Variants in CARMIL1 observed in about 807,000 individuals in gnomAD.
CARMIL1 encodes the protein F-actin-uncapping protein LRRC16A.
In CARMIL1, 90 loss-of-function variants were observed where a neutral mutation model predicts 177.1. That is an observed-to-expected ratio of 0.51 (90% CI 0.43 to 0.61). CARMIL1 has a LOEUF of 0.61. Among genes scored for constraint, CARMIL1 ranks in the 20% least tolerant of loss-of-function variants. The probability of loss-of-function intolerance (pLI) is 0.00; values close to 1 mark genes in which losing one functional copy is unlikely to be tolerated. For missense variants in CARMIL1, 1,380 were observed against 1,667.0 expected (o/e 0.83, Z 3.00); for synonymous variants, 577 against 606.2 (o/e 0.95, Z 0.71).
At chr6:25,289,130 TGTTCTCCTGAGGAATG>T (rs1781747082) in intron 2 of CARMIL1, among the ~76,000 whole-genome samples, 1 of 151,948 alleles carries the variant, frequency 6.6e-6, no homozygotes, top group Non-Finnish European at 1.5e-5. Context: ...TCATTAGGAG[TGTTCTCCTGAGGAATG>T]GTCCTTTAGC....
At chr6:25,460,441 C>A (rs1327648168) in intron 8 of CARMIL1, among the ~76,000 whole-genome samples, 1 of 152,148 alleles carries the variant, frequency 6.6e-6, no homozygotes. Context: ...TCTCCCTGAT[C>A]CTTGGTCTTC....
intron 2 of CARMIL1, among the ~76,000 whole-genome samples, chr6:25,364,871 C>T (rs79542694): frequency 0.082 from 12,488 of 152,096 alleles, 516 homozygotes; most frequent in East Asian, 0.14. Context: ...AGTGAAACCC[C>T]GGAAGAGTAC....
intron 5 of CARMIL1, among the ~76,000 whole-genome samples, chr6:25,442,435 T>C (rs1387411864): frequency 6.6e-6 from 1 of 151,336 alleles, no homozygotes; most frequent in Non-Finnish European, 1.5e-5. Context: ...ACAAATCCTC[T>C]GTCTTTCTGT....
rs979849387 is a variant in CARMIL1 at position 25,410,712 on chromosome 6, C to T, written c.139-9402C>T. ...CAGCCAGAGGAACTCCTTATTAGTC[C>T]CTGCTTCTCCCATCTTTAGAGTTGA... On this transcript the variant is annotated intron_variant, in intron 2 of 36. Transcript: ENST00000329474. Among the ~76,000 whole-genome samples, 4 of 152,228 alleles carry T rather than the reference C, an allele frequency of 2.6e-5. 1 individual carries two copies. The highest frequency in any genetic ancestry group is 6.5e-5 in the Admixed American group (1 of 15,284).
At position 25,564,048 on chromosome 6, in the gene CARMIL1, A is replaced by G. The variant is rs2151199597; in HGVS notation, c.2742+7198A>G. On this transcript the variant is annotated intron_variant, in intron 29 of 36. Transcript: ENST00000329474. ...ACATATTATACAAAATGTATCCATA[A>G]GTATCATATTACACCAAATGTTTGT... The G allele has an allele frequency of 9.7e-6, 2 of 206,154 alleles. 1 individual carries two copies. The highest frequency in any genetic ancestry group is 3.4e-4 in the South Asian group (2 of 5,868). The allele number at this position is 206,154 out of a possible 1,614,324, so 12.8% of individuals were successfully genotyped here.
At chr6:25,354,750 C>T (rs915953857) in intron 2 of CARMIL1, among the ~76,000 whole-genome samples, 2 of 152,190 alleles carry the variant, frequency 1.3e-5, no homozygotes, top group African/African-American at 2.4e-5. Flanking sequence ...GAATTAAGCC[C>T]AGCCTGACCT....
chr6:25,507,876 T>G (rs1423702764), intron 17 of CARMIL1, among the ~76,000 whole-genome samples: 2 of 128,468 alleles, frequency 1.6e-5, no homozygotes, highest in Non-Finnish European at 3.4e-5. Flanking sequence ...ACATAGTGTA[T>G]GTACACATTT....
At chr6:25,385,496 A>G (rs999469906) in intron 2 of CARMIL1, among the ~76,000 whole-genome samples, 2 of 152,258 alleles carry the variant, frequency 1.3e-5, no homozygotes, top group African/African-American at 4.8e-5. Flanking sequence ...CATTTCATTT[A>G]GTAAACATTT....
In CARMIL1 at chr6:25,606,267, C is replaced by T. The variant is rs554949243; in HGVS notation, c.3841C>T (p.Arg1281Trp). ...VIPQKPRTAS[R>W]PDDIPDSPSS... is the part of the protein sequence containing the mutation. ...CCCGCAGAAACCAAGAACCGCCTCA[C>T]GGCCTGGTAAGAGTTTTGCAGTTAG... Residue 1281 changes from arginine to tryptophan, a missense_variant, in exon 35 of 37, where the codon CGG becomes TGG. Arg to Trp is a moderately radical substitution (Grantham distance 101). Coordinates refer to ENST00000329474, the MANE Select transcript of CARMIL1 (RefSeq NM_017640.6). The T allele has an allele frequency of 3.0e-5, 48 of 1,612,992 alleles. No individual in the cohort carries two copies. The highest frequency in any genetic ancestry group is 6.6e-5 in the South Asian group (6 of 90,902).
In CARMIL1 at chr6:25,279,710, C is replaced by T. The variant is rs900051201; in HGVS notation, c.-86C>T. The T allele has an allele frequency of 3.8e-6, 5 of 1,323,776 alleles. No homozygotes were observed. The highest frequency in any genetic ancestry group is 5.5e-6 in the Non-Finnish European group (5 of 915,562). 82.0% of individuals were successfully genotyped at this position (1,323,776 alleles called of 1,614,324 possible). ...CCATTTGCAAGCTGCATCTGCCTCT[C>T]TAAAAAAATTGAGGAGTTCGGGGAA... is the stretch of plus-strand genomic sequence containing the variant. On this transcript the variant is annotated 5_prime_UTR_variant, in exon 1 of 37. Transcript: ENST00000329474.
At chr6:25,568,063 T>C (rs1811707054) in intron 29 of CARMIL1, among the ~76,000 whole-genome samples, 1 of 152,226 alleles carries the variant, frequency 6.6e-6, no homozygotes, top group Non-Finnish European at 1.5e-5. Flanking sequence ...ATAAATGGTT[T>C]TTAGCTTTGG....
chr6:25,350,895 G>A (rs546119248), intron 2 of CARMIL1: 1 of 152,284 alleles, frequency 6.6e-6, no homozygotes, highest in East Asian at 1.9e-4. Flanking sequence ...ACAACTTGAA[G>A]CACAGTATAT....
chr6:25,458,519 C>T (rs1012387380), intron 8 of CARMIL1, among the ~76,000 whole-genome samples: 2 of 140,408 alleles, frequency 1.4e-5, no homozygotes, highest in Non-Finnish European at 3.1e-5. Context: ...GCTTTAAAAT[C>T]AGAAGCCAAA....
intron 2 of CARMIL1, among the ~76,000 whole-genome samples, chr6:25,332,773 GCGCA>G (rs1449739985): frequency 1.9e-5 from 2 of 104,374 alleles, no homozygotes; most frequent in African/African-American, 3.4e-5. Flanking sequence ...ACACACACAC[GCGCA>G]CACACACACA....
At chr6:25,465,774 G>C in intron 8 of CARMIL1, 99 bp from the exon 9 acceptor site, 1 of 756,178 alleles carries the variant, frequency 1.3e-6, no homozygotes, top group Non-Finnish European at 2.4e-6. Flanking sequence ...CTGAATAATA[G>C]AAATTAACAG....
At chr6:25,480,155 G>T (rs1294199055) in intron 11 of CARMIL1, among the ~76,000 whole-genome samples, 4 of 152,016 alleles carry the variant, frequency 2.6e-5, no homozygotes, top group Non-Finnish European at 5.9e-5. Flanking sequence ...ACTGGGTACA[G>T]CATTTTAAAT....
intron 2 of CARMIL1, among the ~76,000 whole-genome samples, chr6:25,309,354 CAAAAAAAAAAAA>C (rs70975001): frequency 4.7e-5 from 4 of 85,688 alleles, no homozygotes; most frequent in Non-Finnish European, 9.1e-5. Context: ...GAGTCCCTCT[CAAAAAAAAAAAA>C]AAAAAAAAAA....
At chr6:25,492,122 A>C (rs553359463) in intron 15 of CARMIL1, 98 bp downstream of exon 15, 12 of 1,005,166 alleles carry the variant, frequency 1.2e-5, no homozygotes, top group Non-Finnish European at 1.8e-5. Context: ...TGAATGTTGT[A>C]TATGAAAGAA....
At chr6:25,362,050 C>T (rs1173095844) in intron 2 of CARMIL1, among the ~76,000 whole-genome samples, 1 of 152,078 alleles carries the variant, frequency 6.6e-6, no homozygotes, top group Non-Finnish European at 1.5e-5. Context: ...GTCTGTGATA[C>T]TGTGTTATAG....
Sources: allele counts gnomAD v4.1 joint callset (sites outside exome capture counted in the v4.1 genomes callset), GRCh38; gene constraint gnomAD v4.1.1; transcripts MANE v1.5; gene names NCBI Gene and HGNC (gene_info 2026-07-23, HGNC 2026-07-21).